Variants in COMMD1 observed in about 807,000 individuals in gnomAD.
The protein encoded by COMMD1 is copper metabolism domain containing 1, also known as COMM domain-containing protein 1.
COMMD1 carries 10 observed loss-of-function variants against 17.2 expected under a neutral mutation model. That is an observed-to-expected ratio of 0.58 (90% CI 0.36 to 0.99). The LOEUF (loss-of-function observed/expected upper bound fraction) is 0.99, where lower values mean the gene tolerates loss of function less well. COMMD1 is among the 50% of genes least tolerant of loss of function. The probability of loss-of-function intolerance (pLI) is 0.01; values close to 1 mark genes in which losing one functional copy is unlikely to be tolerated. For synonymous variants in COMMD1, 97 were observed against 91.6 expected (o/e 1.06, Z -0.34); for missense variants, 270 against 231.8 (o/e 1.17, Z -1.07).
upstream of COMMD1, chr2:61,888,576 G>A: frequency 1.3e-6 from 2 of 1,550,794 alleles, no homozygotes; most frequent in Admixed American, 1.8e-5. Context: ...CGGCCGCAGT[G>A]TAATAACGGT....
chr2:62,052,887 G>T (rs904320705), intron 2 of COMMD1, among the ~76,000 whole-genome samples: 4 of 152,142 alleles, frequency 2.6e-5, no homozygotes, highest in Admixed American at 2.0e-4. Context: ...TGGGCAACAT[G>T]ACAAAACTCC....
chr2:61,936,575 C>T (rs1572979445), intron 1 of COMMD1, among the ~76,000 whole-genome samples: 1 of 152,084 alleles, frequency 6.6e-6, no homozygotes, highest in Admixed American at 6.6e-5. Flanking sequence ...ACAGTGAGTG[C>T]ATTGACAAAT....
At chr2:62,018,200 A>G (rs1316068902) in intron 2 of COMMD1, among the ~76,000 whole-genome samples, 1 of 152,156 alleles carries the variant, frequency 6.6e-6, no homozygotes, top group East Asian at 1.9e-4. Context: ...GCACATGGCT[A>G]CCCAGGGGGA....
chr2:61,913,664 C>T (rs569295107), intron 1 of COMMD1, among the ~76,000 whole-genome samples: 92 of 150,666 alleles, frequency 6.1e-4, no homozygotes, highest in African/African-American at 2.1e-3. Flanking sequence ...GGCATGGTGG[C>T]GGGCTTCTAT....
In COMMD1 at chr2:62,023,487, A is replaced by AT. The variant is rs113607912; in HGVS notation, c.462+22518dup. 3.3e-3 allele frequency among the ~76,000 whole-genome samples: 480 copies of AT among 146,348 alleles called. 2 individuals are homozygous for AT. Among genetic ancestry groups the AT allele is most frequent in the South Asian group, 0.024 (109 of 4,616 alleles). On this transcript the variant is annotated intron_variant, in intron 2 of 2. Transcript: ENST00000311832. ...TTATATATGCAAATATTTACTGTGG[A>AT]TTTTTTTTTTTTTAATACAGAATTT...
intron 2 of COMMD1, among the ~76,000 whole-genome samples, chr2:62,013,463 C>CT (rs1016020920): frequency 1.4e-4 from 21 of 152,126 alleles, no homozygotes; most frequent in Middle Eastern, 3.2e-3. Flanking sequence ...CCTTTAAAAA[C>CT]TTTTTTTATT....
At chr2:62,128,507 C>G (rs1450126107) in intron 2 of COMMD1, among the ~76,000 whole-genome samples, 1 of 151,998 alleles carries the variant, frequency 6.6e-6, no homozygotes. Context: ...AATTGACAAA[C>G]GGGATCTAAT....
At chr2:62,035,221 C>T (rs1670006361) in intron 2 of COMMD1, among the ~76,000 whole-genome samples, 1 of 152,188 alleles carries the variant, frequency 6.6e-6, no homozygotes, top group South Asian at 2.1e-4. Context: ...AAAGAAATGG[C>T]ACCTCTCATT....
intron 2 of COMMD1, among the ~76,000 whole-genome samples, chr2:62,041,711 G>A (rs996631861): frequency 3.3e-5 from 5 of 152,156 alleles, no homozygotes; most frequent in African/African-American, 7.2e-5. Context: ...GAATGAAGCC[G>A]CGGACCCTCA....
At chr2:62,101,124 C>T (rs1672166654) in intron 2 of COMMD1, among the ~76,000 whole-genome samples, 1 of 151,618 alleles carries the variant, frequency 6.6e-6, no homozygotes, top group Non-Finnish European at 1.5e-5. Context: ...AGAGCTTAGT[C>T]CTCAATGGCT....
intron 2 of COMMD1, among the ~76,000 whole-genome samples, chr2:62,134,295 G>A (rs538065291): frequency 6.6e-6 from 1 of 152,286 alleles, no homozygotes; most frequent in African/African-American, 2.4e-5. Context: ...CATTGACTTA[G>A]TGACTGTCAT....
chr2:61,917,297 C>G (rs188648690), intron 1 of COMMD1, among the ~76,000 whole-genome samples: 1 of 150,808 alleles, frequency 6.6e-6, no homozygotes, highest in East Asian at 2.0e-4. Context: ...GCGGAGGTTG[C>G]AGTGAGCCGA....
intron 2 of COMMD1, among the ~76,000 whole-genome samples, chr2:62,134,823 A>G (rs1174537557): frequency 6.6e-6 from 1 of 152,094 alleles, no homozygotes; most frequent in Non-Finnish European, 1.5e-5. Context: ...TGATTGACCA[A>G]TCCTAACAGT....
intron 2 of COMMD1, chr2:62,090,856 T>TA (rs1387927776): frequency 6.6e-6 from 1 of 152,202 alleles, no homozygotes; most frequent in Non-Finnish European, 1.5e-5. Flanking sequence ...GCCCACCTAT[T>TA]TCCCAGGGGG....
chr2:61,890,223 GT>G (rs1409958534), intron 1 of COMMD1, among the ~76,000 whole-genome samples: 1 of 152,012 alleles, frequency 6.6e-6, no homozygotes, highest in Non-Finnish European at 1.5e-5. Flanking sequence ...TTGTTTGTTT[GT>G]TTTTGTTTGT....
chr2:62,040,385 G>A (rs1262401246), intron 2 of COMMD1, among the ~76,000 whole-genome samples: 1 of 152,208 alleles, frequency 6.6e-6, no homozygotes, highest in Non-Finnish European at 1.5e-5. Flanking sequence ...TCTCCCTGGT[G>A]TAAAACTCAT....
intron 1 of COMMD1, among the ~76,000 whole-genome samples, chr2:61,978,155 GA>G (rs1374406608): frequency 6.6e-6 from 1 of 152,076 alleles, no homozygotes; most frequent in African/African-American, 2.4e-5. Context: ...GACATTATTT[GA>G]AAGTATATTT....
chr2:62,087,905 A>C lies in COMMD1; in HGVS notation c.463-47926A>C, dbSNP rs148229659. Among the ~76,000 whole-genome samples, 454 of 152,316 alleles carry C rather than the reference A, an allele frequency of 3.0e-3. 1 individual carries two copies. The highest frequency in any genetic ancestry group is 0.01 in the African/African-American group (433 of 41,562). On this transcript the variant is annotated intron_variant, in intron 2 of 2. Transcript: ENST00000311832. The stretch of plus-strand genomic sequence containing the variant: ...CTCAAAATTCATTAAAATGTAGTCT[A>C]TACTCACTGTCTCTACTTTTTCACT...
chr2:62,111,543 G>A (rs1368752635), intron 2 of COMMD1, among the ~76,000 whole-genome samples: 1 of 152,204 alleles, frequency 6.6e-6, no homozygotes, highest in Non-Finnish European at 1.5e-5. Context: ...TATGGGGCAG[G>A]ACCCTCTGGA....
Sources: allele counts gnomAD v4.1 joint callset (sites outside exome capture counted in the v4.1 genomes callset), GRCh38; gene constraint gnomAD v4.1.1; transcripts MANE v1.5; gene names NCBI Gene and HGNC (gene_info 2026-07-23, HGNC 2026-07-21).